TLE6: variants seen among roughly 807,000 people sequenced by gnomAD.
The protein encoded by TLE6 is transducin-like enhancer protein 6.
Under a neutral mutation model 77.1 loss-of-function variants are expected in TLE6, and 72 were observed. The ratio of observed to expected loss-of-function variants is 0.93; its 90% CI spans 0.77 to 1.14. The LOEUF (loss-of-function observed/expected upper bound fraction) is 1.14. TLE6 is among the 50% of genes most tolerant of loss of function. TLE6 has a pLI of 0.00. For synonymous variants in TLE6, 366 were observed against 287.3 expected (o/e 1.27, Z -2.77); for missense variants, 843 against 747.6 (o/e 1.13, Z -1.49).
intron 3 of TLE6, among the ~76,000 whole-genome samples, chr19:2,980,738 T>TTA (rs911272294): frequency 1.9e-5 from 2 of 106,320 alleles, no homozygotes; most frequent in South Asian, 5.9e-4. Context: ...ACTCGGTCTT[T>TTA]AAAAAAAAAA....
chr19:2,987,328 CT>C, intron 7 of TLE6, 27 bp from the exon 8 acceptor site: 1 of 1,614,172 alleles, frequency 6.2e-7, no homozygotes, highest in Non-Finnish European at 8.5e-7. Context: ...CTCTGTCCCC[CT>C]CCTCCTCTCC....
chr19:2,995,076 G>A lies in TLE6; in HGVS notation c.*72G>A. On this transcript the variant is annotated 3_prime_UTR_variant, in exon 17 of 17. Coordinates refer to ENST00000246112, the MANE Select transcript of TLE6 (RefSeq NM_001143986.2). Reference sequence around the variant, plus strand: ...CCCCTTCCCCCCCCCCAACAAGGGGGACATGGTGGAGGGAAGCGGGAAGGC... The same window carrying A: ...CCCCTTCCCCCCCCCCAACAAGGGGAACATGGTGGAGGGAAGCGGGAAGGC... 3 of 979,870 alleles carry A rather than the reference G, an allele frequency of 3.1e-6. No individual in the cohort carries two copies. Among genetic ancestry groups the A allele is most frequent in the Admixed American group, 4.1e-5 (2 of 48,284 alleles). 60.7% of individuals were successfully genotyped at this position (979,870 alleles called of 1,614,324 possible). A position where few individuals can be genotyped will look rare whatever the true frequency, so the allele number is the denominator to read the frequency against.
chr19:2,983,417 G>C (rs11880300), intron 5 of TLE6, among the ~76,000 whole-genome samples: 1 of 152,100 alleles, frequency 6.6e-6, no homozygotes, highest in Non-Finnish European at 1.5e-5. Flanking sequence ...TTGCAATTCA[G>C]GGTGGTCAGG....
intron 5 of TLE6, 108 bp from the exon 6 acceptor site, chr19:2,986,721 C>A: frequency 8.6e-7 from 1 of 1,163,444 alleles, no homozygotes; most frequent in Non-Finnish European, 1.2e-6. Context: ...CTCAAAAAAA[C>A]AAGTAGATTG....
intron 3 of TLE6, among the ~76,000 whole-genome samples, chr19:2,980,804 A>G (rs914064692): frequency 6.6e-6 from 1 of 151,694 alleles, no homozygotes; most frequent in Non-Finnish European, 1.5e-5. Flanking sequence ...TAATCCCAGC[A>G]CTTTGGGAGG....
chr19:2,991,515 A>T (rs1314218235), intron 13 of TLE6, among the ~76,000 whole-genome samples: 1 of 149,598 alleles, frequency 6.7e-6, no homozygotes, highest in Admixed American at 6.8e-5. Context: ...ACAGCACACC[A>T]CCCGCCCGGC....
intron 2 of TLE6, among the ~76,000 whole-genome samples, chr19:2,979,484 T>C (rs964374559): frequency 6.6e-6 from 1 of 151,754 alleles, no homozygotes; most frequent in Admixed American, 6.6e-5. Flanking sequence ...TGACCTCAGG[T>C]GTTCTGCTCA....
intron 3 of TLE6, 44 bp downstream of exon 3, chr19:2,980,226 G>T (rs1296341699): frequency 1.3e-6 from 2 of 1,487,136 alleles, no homozygotes; most frequent in Admixed American, 4.0e-5. Context: ...CTGGGAAGGA[G>T]CCCCACCTGG....
upstream of TLE6, chr19:2,977,461 G>C (rs1201138125): frequency 6.6e-6 from 1 of 152,422 alleles, no homozygotes; most frequent in Admixed American, 6.5e-5. Context: ...TCTGCTTCGC[G>C]GTCCAGGTGG....
intron 4 of TLE6, 72 bp downstream of exon 4, chr19:2,981,655 C>G: frequency 6.7e-7 from 1 of 1,485,246 alleles, no homozygotes; most frequent in Non-Finnish European, 9.2e-7. Flanking sequence ...GTTTCCCGGC[C>G]CTGCCTCCTG....
intron 5 of TLE6, among the ~76,000 whole-genome samples, chr19:2,983,277 G>T (rs755559500): frequency 6.6e-6 from 1 of 152,170 alleles, no homozygotes; most frequent in Non-Finnish European, 1.5e-5. Flanking sequence ...AGCAAAGAAC[G>T]ACGCAGAGCT....
In TLE6 at chr19:2,987,039, C is replaced by T. The variant is rs1233570626; in HGVS notation, c.342C>T (p.Thr114=). The T allele has an allele frequency of 6.2e-7, 1 of 1,614,052 alleles. No homozygotes were observed. ...PGTPQQVKDK[T]LQESSFEDIM... ...CGCCCCAGCAGGTGAAGGACAAGAC[C>T]CTGCAGGAGTCGAGCTTTGAGGACA... The change falls in exon 7 of 17, where the codon ACC becomes ACT. Residue 114 remains threonine (T), a synonymous_variant. Transcript: ENST00000246112.
intron 5 of TLE6, chr19:2,984,419 A>AG (rs1304954148): frequency 1.3e-5 from 2 of 150,422 alleles, no homozygotes; most frequent in African/African-American, 2.4e-5. Context: ...GGAAACAGAC[A>AG]GGTAGCCTTT....
chr19:2,992,426 C>T (rs918990898), intron 14 of TLE6, among the ~76,000 whole-genome samples: 11 of 151,922 alleles, frequency 7.2e-5, no homozygotes, highest in African/African-American at 1.9e-4. Context: ...GAGCCGAGAT[C>T]GTGCCATTGC....
At chr19:2,992,414 G>C (rs530340166) in intron 14 of TLE6, among the ~76,000 whole-genome samples, 1 of 152,192 alleles carries the variant, frequency 6.6e-6, no homozygotes, top group East Asian at 1.9e-4. Context: ...GGAGGTTGTG[G>C]TGAGCCGAGA....
chr19:2,981,959 ACT>A (rs952318203), intron 4 of TLE6, among the ~76,000 whole-genome samples, 187 bp from the exon 5 acceptor site: 3 of 151,820 alleles, frequency 2.0e-5, no homozygotes, highest in African/African-American at 7.3e-5. Flanking sequence ...ACAGAGCAAG[ACT>A]CTCTCTGAGG....
chr19:2,988,921 G>C (rs1240624531), intron 11 of TLE6, 140 bp from the exon 12 acceptor site: 20 of 630,712 alleles, frequency 3.2e-5, no homozygotes, highest in Non-Finnish European at 4.5e-5. Flanking sequence ...GACATTGAGG[G>C]GAGTCTAGAG....
In TLE6 at chr19:2,989,591, C is replaced by T. The variant is rs751460921; in HGVS notation, c.1050C>T (p.Leu350=). Residue 350 remains leucine, a synonymous_variant, in exon 13 of 17, where the codon CTC becomes CTT. Coordinates refer to ENST00000246112, the MANE Select transcript of TLE6 (RefSeq NM_001143986.2). ...TGTCCTCAAACAGCAGGAGCCTGCT[C>T]ACCGGTGGCTACAACCTGGCCAGCG... ...CLLSSNSRSL[L]TGGYNLASVS... 121 of 1,613,794 alleles carry T rather than the reference C, an allele frequency of 7.5e-5. No homozygotes were observed. The highest frequency in any genetic ancestry group is 9.4e-5 in the Non-Finnish European group (111 of 1,179,982).
intron 2 of TLE6, among the ~76,000 whole-genome samples, chr19:2,978,629 G>C (rs1001288665): frequency 4.6e-5 from 7 of 152,096 alleles, no homozygotes; most frequent in African/African-American, 1.7e-4. Context: ...AGTGACGTGG[G>C]CCTGTAGTTG....
Sources: allele counts gnomAD v4.1 joint callset (sites outside exome capture counted in the v4.1 genomes callset), GRCh38; gene constraint gnomAD v4.1.1; transcripts MANE v1.5; gene names NCBI Gene and HGNC (gene_info 2026-07-23, HGNC 2026-07-21).